The following EXOC2 variants were observed in gnomAD, a reference collection of about 807,000 sequenced individuals.
EXOC2 encodes exocyst complex component 2, also known as SEC5-like 1.
Under a neutral mutation model 131.8 loss-of-function variants are expected in EXOC2, and 70 were observed. The ratio of observed to expected loss-of-function variants is 0.53; its 90% CI spans 0.44 to 0.65. EXOC2 has a LOEUF of 0.65. Ranked by LOEUF, EXOC2 falls within the 30% of genes least tolerant of loss-of-function variation. The pLI is 0.00. For synonymous variants in EXOC2, 411 were observed against 398.4 expected (o/e 1.03, Z -0.38); for missense variants, 923 against 1,108.6 (o/e 0.83, Z 2.38).
chr6:655,446 G>C (rs58124845), intron 1 of EXOC2, among the ~76,000 whole-genome samples: 2 of 152,104 alleles, frequency 1.3e-5, no homozygotes, highest in African/African-American at 4.8e-5. Context: ...TGCAATATTT[G>C]CTTTTTGCAG....
intron 1 of EXOC2, among the ~76,000 whole-genome samples, chr6:689,628 A>C (rs538223588): frequency 6.6e-6 from 1 of 152,298 alleles, no homozygotes; most frequent in African/African-American, 2.4e-5. Flanking sequence ...TTTAGTTCTT[A>C]GCTATTCTTT....
chr6:599,341 C>CAA (rs1481951811), intron 7 of EXOC2, 116 bp from the exon 8 acceptor site: 1 of 998,672 alleles, frequency 1.0e-6, no homozygotes, highest in Non-Finnish European at 1.4e-6. Context: ...CGTTAAAACT[C>CAA]AGACTGTTTT....
chr6:489,324 G>A (rs985562432), intron 26 of EXOC2, among the ~76,000 whole-genome samples: 1 of 152,188 alleles, frequency 6.6e-6, no homozygotes, highest in Non-Finnish European at 1.5e-5. Flanking sequence ...AGTGATAGAG[G>A]AGAGCTTAAT....
At chr6:631,369 C>T (rs1761844258) in intron 3 of EXOC2, among the ~76,000 whole-genome samples, 1 of 152,104 alleles carries the variant, frequency 6.6e-6, no homozygotes, top group Non-Finnish European at 1.5e-5. Context: ...GAAACCCCAT[C>T]TCTACTAAAA....
At chr6:602,694 T>A (rs1428587119) in intron 7 of EXOC2, among the ~76,000 whole-genome samples, 2 of 152,180 alleles carry the variant, frequency 1.3e-5, no homozygotes, top group African/African-American at 4.8e-5. Context: ...CACCCAAAGA[T>A]GGTCTCCAGC....
At chr6:535,178 T>C (rs1192557093) in intron 22 of EXOC2, among the ~76,000 whole-genome samples, 1 of 151,978 alleles carries the variant, frequency 6.6e-6, no homozygotes, top group East Asian at 1.9e-4. Context: ...AAACCACCAA[T>C]GCCAAAAGTA....
At chr6:656,679 C>T (rs867786897) in intron 1 of EXOC2, 1 of 1,606,792 alleles carries the variant, frequency 6.2e-7, no homozygotes, top group Non-Finnish European at 8.5e-7. Flanking sequence ...TCTCGCCGCC[C>T]GGGACAGGTG....
intron 7 of EXOC2, among the ~76,000 whole-genome samples, chr6:602,754 G>T (rs1002512302): frequency 3.3e-5 from 5 of 152,188 alleles, no homozygotes; most frequent in African/African-American, 1.2e-4. Context: ...CACAGGAACT[G>T]CAAGAACTAA....
chr6:546,059 A>G (rs1756836170), intron 22 of EXOC2, among the ~76,000 whole-genome samples: 1 of 152,210 alleles, frequency 6.6e-6, no homozygotes, highest in Non-Finnish European at 1.5e-5. Context: ...CATGGTTACT[A>G]TAAATATTAA....
At chr6:625,540 T>TG (rs1767747363) in intron 4 of EXOC2, among the ~76,000 whole-genome samples, 1 of 135,784 alleles carries the variant, frequency 7.4e-6, no homozygotes. Flanking sequence ...TTTTTTTTTT[T>TG]GTCTGACCCA....
rs1201076448 is a variant in EXOC2, at chr6:506,919, G to C, written c.2381-7219C>G. 6.6e-5 allele frequency among the ~76,000 whole-genome samples: 10 copies of C among 152,024 alleles called. No individual in the cohort carries two copies. The highest frequency in any genetic ancestry group is 2.2e-4 in the African/African-American group (9 of 41,366). On this transcript the variant is annotated intron_variant, in intron 23 of 27. Transcript: ENST00000230449. The surrounding 1 kb of genome is among the most constrained non-coding windows in gnomAD (Gnocchi z 4.4). ...AGGAAGGTCACTTGATTTTGGAACA[G>C]GCAAACTGGCACACTATTAAAAATA...
chr6:554,063 G>A, intron 20 of EXOC2, 143 bp from the exon 21 acceptor site: 1 of 669,294 alleles, frequency 1.5e-6, no homozygotes. Flanking sequence ...TTTTTGAGAT[G>A]AAGTCTTGCT....
At chr6:613,565 T>C (rs1195365370) in intron 6 of EXOC2, among the ~76,000 whole-genome samples, 1 of 152,220 alleles carries the variant, frequency 6.6e-6, no homozygotes, top group East Asian at 1.9e-4. Context: ...TTTTCCAATG[T>C]TTCCATAACC....
intron 26 of EXOC2, among the ~76,000 whole-genome samples, chr6:490,758 A>C (rs1423673067): frequency 5.3e-5 from 8 of 152,168 alleles, no homozygotes; most frequent in Non-Finnish European, 1.2e-4. Flanking sequence ...AAATTATCAA[A>C]TTTCCACTAC....
At chr6:674,431 C>T (rs915872255) in intron 1 of EXOC2, among the ~76,000 whole-genome samples, 1 of 152,088 alleles carries the variant, frequency 6.6e-6, no homozygotes, top group Non-Finnish European at 1.5e-5. Context: ...AAAAAAATTA[C>T]CTTGTACTAA....
At chr6:575,593 G>A (rs1054164627) in intron 12 of EXOC2, among the ~76,000 whole-genome samples, 1 of 152,034 alleles carries the variant, frequency 6.6e-6, no homozygotes, top group Non-Finnish European at 1.5e-5. Context: ...AGCTTCCTGA[G>A]GCCTCCCAGT....
intron 7 of EXOC2, among the ~76,000 whole-genome samples, chr6:606,806 T>A (rs1454234597): frequency 6.6e-6 from 1 of 152,236 alleles, no homozygotes; most frequent in Admixed American, 6.5e-5. Flanking sequence ...CAGCCAGCTA[T>A]TCCTTCCGTC....
chr6:677,958 A>ACACC (rs1764229478), intron 1 of EXOC2, among the ~76,000 whole-genome samples: 1 of 151,820 alleles, frequency 6.6e-6, no homozygotes, highest in South Asian at 2.1e-4. Flanking sequence ...ACACACACAC[A>ACACC]CACACACTCT....
At chr6:690,642 G>A (rs1234051023) in intron 1 of EXOC2, among the ~76,000 whole-genome samples, 1 of 152,230 alleles carries the variant, frequency 6.6e-6, no homozygotes, top group East Asian at 1.9e-4. Context: ...GGCAGAGCTT[G>A]CACTGAGCAG....
Sources: gnomAD v4.1 joint callset for allele counts (sites outside exome capture counted in the v4.1 genomes callset) on GRCh38, gnomAD v4.1.1 for gene constraint, Gnocchi (gnomAD v3.1) non-coding constraint, MANE v1.5 for transcripts, NCBI Gene and HGNC (gene_info 2026-07-23, HGNC 2026-07-21) for gene names.